EFR3A: variants seen among roughly 807,000 people sequenced by gnomAD.
The protein encoded by EFR3A is protein EFR3 homolog A.
Under a neutral mutation model 104.4 loss-of-function variants are expected in EFR3A, and 76 were observed. That is an observed-to-expected ratio of 0.73 (90% CI 0.60 to 0.88). EFR3A has a LOEUF of 0.88. EFR3A is among the 40% of genes least tolerant of loss of function. The probability of loss-of-function intolerance (pLI) is 0.00; values close to 1 mark genes in which losing one functional copy is unlikely to be tolerated. For synonymous variants in EFR3A, 330 were observed against 330.0 expected, an observed-to-expected ratio of 1.00 and a Z score of 0.00; for missense variants, 985 against 1,012.5, an observed-to-expected ratio of 0.97 and a Z score of 0.37.
intron 8 of EFR3A, among the ~76,000 whole-genome samples, chr8:131,964,996 G>A (rs1199785971): frequency 1.3e-5 from 2 of 152,008 alleles, no homozygotes; most frequent in Admixed American, 6.6e-5. Flanking sequence ...ATGGTGCTGG[G>A]AAAACTGGCT....
intron 9 of EFR3A, among the ~76,000 whole-genome samples, chr8:131,970,141 T>C (rs1053052547): frequency 3.9e-5 from 6 of 152,214 alleles, no homozygotes; most frequent in Non-Finnish European, 7.4e-5. Context: ...AGTTAAATAT[T>C]GTCCTAGTAC....
intron 1 of EFR3A, among the ~76,000 whole-genome samples, chr8:131,933,251 A>G (rs919750490): frequency 2.0e-5 from 3 of 152,154 alleles, no homozygotes; most frequent in Non-Finnish European, 4.4e-5. Flanking sequence ...TCTTCTTGCC[A>G]AGACTCTTCC....
At chr8:131,984,862 T>C in intron 15 of EFR3A, 67 bp from the exon 16 acceptor site, 2 of 1,421,144 alleles carry the variant, frequency 1.4e-6, no homozygotes, top group Non-Finnish European at 1.9e-6. Flanking sequence ...TTTTCCAGTG[T>C]AATCAGAGAA....
intron 1 of EFR3A, among the ~76,000 whole-genome samples, chr8:131,907,962 T>A (rs964299263): frequency 6.6e-6 from 1 of 152,172 alleles, no homozygotes; most frequent in Non-Finnish European, 1.5e-5. Context: ...ATCTCATCTT[T>A]CAGTCTGTCC....
intron 5 of EFR3A, among the ~76,000 whole-genome samples, chr8:131,950,484 C>T (rs576014794): frequency 2.6e-5 from 4 of 152,226 alleles, no homozygotes; most frequent in East Asian, 3.9e-4. Context: ...CCACATGGCT[C>T]GTTACCTAAC....
At chr8:131,986,440 T>G (rs1820886941) in intron 17 of EFR3A, among the ~76,000 whole-genome samples, 179 bp downstream of exon 17, 1 of 152,172 alleles carries the variant, frequency 6.6e-6, no homozygotes, top group Non-Finnish European at 1.5e-5. Flanking sequence ...CTGCACATTA[T>G]GGATGTTGAC....
chr8:131,983,796 G>C (rs1303788998), intron 14 of EFR3A, among the ~76,000 whole-genome samples: 1 of 152,038 alleles, frequency 6.6e-6, no homozygotes, highest in African/African-American at 2.4e-5. Flanking sequence ...AAGTGTCTCA[G>C]GATTCTGCCA....
intron 8 of EFR3A, among the ~76,000 whole-genome samples, chr8:131,960,149 C>T (rs779528058): frequency 6.6e-5 from 10 of 152,254 alleles, no homozygotes; most frequent in Admixed American, 1.3e-4. Context: ...AGATGCTTAC[C>T]TTCTTGTGGA....
chr8:131,994,764 A>G (rs1026366965), intron 18 of EFR3A, among the ~76,000 whole-genome samples: 2 of 152,164 alleles, frequency 1.3e-5, no homozygotes, highest in Non-Finnish European at 2.9e-5. Context: ...GAACATGTCA[A>G]ATAGAATTGA....
At chr8:131,932,984 T>C (rs549258376) in intron 1 of EFR3A, among the ~76,000 whole-genome samples, 4 of 152,236 alleles carry the variant, frequency 2.6e-5, no homozygotes, top group South Asian at 2.1e-4. Context: ...CTAAAACATA[T>C]TAATTAGCAA....
At chr8:131,912,301 A>G (rs1177520563) in intron 1 of EFR3A, among the ~76,000 whole-genome samples, 1 of 152,224 alleles carries the variant, frequency 6.6e-6, no homozygotes, top group Non-Finnish European at 1.5e-5. Context: ...TAAGCAGGAT[A>G]GAAACCATGG....
intron 19 of EFR3A, among the ~76,000 whole-genome samples, chr8:131,999,044 A>G (rs948621316): frequency 2.6e-5 from 4 of 152,124 alleles, no homozygotes; most frequent in African/African-American, 9.7e-5. Context: ...GCTTCCTTAT[A>G]TATGCATAAC....
chr8:131,979,214 C>A, intron 13 of EFR3A, 132 bp from the exon 14 acceptor site: 1 of 945,102 alleles, frequency 1.1e-6, no homozygotes, highest in Non-Finnish European at 1.6e-6. Context: ...ATGTACTCTT[C>A]AGAAGCAATT....
At chr8:131,915,104 A>G (rs1816687831) in intron 1 of EFR3A, among the ~76,000 whole-genome samples, 1 of 152,156 alleles carries the variant, frequency 6.6e-6, no homozygotes, top group African/African-American at 2.4e-5. Context: ...TGAATAGTGG[A>G]GCAGCTCTAT....
chr8:131,965,577 A>G (rs931936494), intron 8 of EFR3A, among the ~76,000 whole-genome samples: 1 of 152,208 alleles, frequency 6.6e-6, no homozygotes, highest in African/African-American at 2.4e-5. Flanking sequence ...GCTGGAGAGG[A>G]TGTAGAGAAA....
At chr8:131,962,361 G>A (rs1159932996) in intron 8 of EFR3A, among the ~76,000 whole-genome samples, 2 of 150,548 alleles carry the variant, frequency 1.3e-5, no homozygotes, top group African/African-American at 2.4e-5. Flanking sequence ...AGGGATGGAG[G>A]AAGATCTACC....
chr8:131,976,779 T>A (rs1021957493), intron 11 of EFR3A, among the ~76,000 whole-genome samples: 3 of 152,146 alleles, frequency 2.0e-5, no homozygotes, highest in Admixed American at 2.0e-4. Context: ...GTTGTCTGTT[T>A]ATATGATTTA....
intron 1 of EFR3A, among the ~76,000 whole-genome samples, chr8:131,918,733 T>A (rs977903733): frequency 1.3e-5 from 2 of 152,238 alleles, no homozygotes; most frequent in African/African-American, 4.8e-5. Context: ...GTATATTAAA[T>A]GTATTTCCTC....
intron 18 of EFR3A, among the ~76,000 whole-genome samples, chr8:131,993,779 C>A (rs947499259): frequency 6.6e-6 from 1 of 151,940 alleles, no homozygotes. Context: ...CATGTCTTTG[C>A]TGTTGTGAGC....
Sources: gnomAD v4.1 joint callset for allele counts (sites outside exome capture counted in the v4.1 genomes callset) on GRCh38, gnomAD v4.1.1 for gene constraint, MANE v1.5 for transcripts, NCBI Gene and HGNC (gene_info 2026-07-23, HGNC 2026-07-21) for gene names.